The following PDZD2 variants were observed in gnomAD, a reference collection of about 807,000 sequenced individuals.
PDZD2 encodes the protein PDZ domain containing 2, also known as PDZ domain-containing protein 2.
PDZD2 carries 90 observed loss-of-function variants against 220.7 expected under a neutral mutation model. The observed-to-expected ratio is 0.41, with a 90% CI of 0.34 to 0.49. The LOEUF (loss-of-function observed/expected upper bound fraction) is 0.49, where lower values mean the gene tolerates loss of function less well. Ranked by LOEUF, PDZD2 falls within the 20% of genes least tolerant of loss-of-function variation. The pLI is 0.28. For synonymous variants in PDZD2, 1,375 were observed against 1,450.5 expected, an observed-to-expected ratio of 0.95 and a Z score of 1.18; for missense variants, 3,174 against 3,608.5, an observed-to-expected ratio of 0.88 and a Z score of 3.08.
At chr5:31,956,595 A>G (rs1232780817) in intron 2 of PDZD2, among the ~76,000 whole-genome samples, 1 of 148,360 alleles carries the variant, frequency 6.7e-6, no homozygotes, top group Non-Finnish European at 1.5e-5. Context: ...AATAAATAAA[A>G]TAAAAATACA....
At position 31,667,235 on chromosome 5, in the gene PDZD2, CAA is replaced by C. The variant is rs3031718; in HGVS notation, c.-361+27819_-361+27820del. ...TGAGTGACAGAGCAAGACTCCGTCT[CAA>C]AAAAAAAAAAAAAAAAAAAAGAGTA... On this transcript the variant is annotated intron_variant, in intron 1 of 24. Coordinates refer to ENST00000438447, the MANE Select transcript of PDZD2 (RefSeq NM_178140.4). 3.5e-3 allele frequency among the ~76,000 whole-genome samples: 187 copies of C among 52,832 alleles called. 2 individuals carry two copies. Among genetic ancestry groups the C allele is most frequent in the Middle Eastern group, 0.018 (1 of 56 alleles). The allele number at this position is 52,832 out of a possible 152,430, so 34.7% of individuals were successfully genotyped here.
intron 4 of PDZD2, among the ~76,000 whole-genome samples, chr5:31,996,613 C>T (rs557783699): frequency 6.6e-6 from 1 of 152,266 alleles, no homozygotes; most frequent in Non-Finnish European, 1.5e-5. Context: ...GAGGCTGAGG[C>T]ACGAGAATGG....
chr5:31,651,279 A>G (rs1232848570), intron 1 of PDZD2, among the ~76,000 whole-genome samples: 1 of 152,082 alleles, frequency 6.6e-6, no homozygotes. Context: ...TCTCCTGCAG[A>G]AAGGTAGAAC....
Position 32,090,767 on chromosome 5 carries a change from C to G in PDZD2, c.7319C>G (p.Ser2440Trp), listed in dbSNP as rs1743057028. The change falls in exon 20 of 25, where the codon TCG (serine) becomes TGG (tryptophan). Residue 2440 changes from serine to tryptophan, a missense_variant. Ser to Trp is a radical substitution (Grantham distance 177, BLOSUM62 -3). Transcript: ENST00000438447. This position sits in a 1 kb window ranked among gnomAD's most constrained non-coding sequence, Gnocchi z 4.3. Reference sequence around the variant, plus strand: ...GAGACCAGTAGCAAGGGCTCTGATTCGGAACTAAAGAAATCACTTGGTCCT... The same window carrying G: ...GAGACCAGTAGCAAGGGCTCTGATTGGGAACTAAAGAAATCACTTGGTCCT... ...PPETSSKGSD[S>W]ELKKSLGPLG... 6.2e-7 allele frequency: 1 copy of G among 1,614,162 alleles called. No homozygotes were observed. Among genetic ancestry groups the G allele is most frequent in the Non-Finnish European group, 8.5e-7 (1 of 1,180,028 alleles).
At chr5:31,972,962 A>G (rs756488261) in intron 2 of PDZD2, among the ~76,000 whole-genome samples, 1 of 152,250 alleles carries the variant, frequency 6.6e-6, no homozygotes, top group Non-Finnish European at 1.5e-5. Context: ...AAGAAATGCA[A>G]TCACTGGCAA....
intron 2 of PDZD2, chr5:31,822,747 T>G (rs967691725): frequency 4.2e-6 from 5 of 1,178,328 alleles, no homozygotes; most frequent in Non-Finnish European, 6.1e-6. Context: ...AAGGAACACC[T>G]GGCCTCATCC....
At chr5:31,936,280 GTCTGTC>G (rs1324607631) in intron 2 of PDZD2, 6 of 987,568 alleles carry the variant, frequency 6.1e-6, no homozygotes, top group Admixed American at 6.2e-5. Flanking sequence ...CAACTTTGGA[GTCTGTC>G]CCATTCCAGA....
At chr5:31,808,802 C>T (rs1426992261) in intron 2 of PDZD2, among the ~76,000 whole-genome samples, 2 of 151,920 alleles carry the variant, frequency 1.3e-5, no homozygotes, top group Non-Finnish European at 2.9e-5. Flanking sequence ...CATAGTGAAA[C>T]CCCATCTCTA....
intron 1 of PDZD2, among the ~76,000 whole-genome samples, chr5:31,649,500 T>TCC (rs1745262948): frequency 2.6e-5 from 4 of 151,954 alleles, no homozygotes; most frequent in African/African-American, 9.7e-5. Context: ...AAATAAAATA[T>TCC]TTGATTTATT....
intron 1 of PDZD2, among the ~76,000 whole-genome samples, chr5:31,660,709 T>G (rs1273628446): frequency 2.6e-5 from 4 of 152,164 alleles, no homozygotes; most frequent in African/African-American, 9.7e-5. Flanking sequence ...GGAACTACAA[T>G]TCAAGATGAG....
chr5:31,820,585 A>T (rs1162743019), intron 2 of PDZD2: 1 of 152,068 alleles, frequency 6.6e-6, no homozygotes, highest in Admixed American at 6.6e-5. Context: ...GGCAAGGGCC[A>T]TGCTAATCTT....
intron 15 of PDZD2, among the ~76,000 whole-genome samples, chr5:32,071,107 CTT>C (rs1740698794): frequency 6.6e-6 from 1 of 152,156 alleles, no homozygotes; most frequent in South Asian, 2.1e-4. Flanking sequence ...GGATAAAACA[CTT>C]TGGAAATTCA....
chr5:31,839,476 G>A (rs769341299), intron 2 of PDZD2, among the ~76,000 whole-genome samples: 18 of 152,180 alleles, frequency 1.2e-4, no homozygotes, highest in Non-Finnish European at 5.9e-5. Flanking sequence ...GCACATTTAA[G>A]GTTTAGAACT....
At chr5:32,047,198 G>A (rs1351304747) in intron 7 of PDZD2, among the ~76,000 whole-genome samples, 1 of 152,044 alleles carries the variant, frequency 6.6e-6, no homozygotes, top group African/African-American at 2.4e-5. Context: ...AAAGAATCTT[G>A]ATCTCGTTAG....
At chr5:31,767,674 G>A (rs1164500761) in intron 1 of PDZD2, among the ~76,000 whole-genome samples, 2 of 152,180 alleles carry the variant, frequency 1.3e-5, no homozygotes, top group Non-Finnish European at 2.9e-5. Context: ...ACTATGTAAA[G>A]TTTTCAGATG....
chr5:32,018,989 G>A (rs147265784), intron 6 of PDZD2, among the ~76,000 whole-genome samples: 159 of 152,286 alleles, frequency 1.0e-3, no homozygotes, highest in Admixed American at 1.6e-3. Flanking sequence ...TTACTTGGGC[G>A]AGATGAATTG....
chr5:31,854,440 C>G (rs1257605624), intron 2 of PDZD2, among the ~76,000 whole-genome samples: 2 of 152,294 alleles, frequency 1.3e-5, no homozygotes, highest in African/African-American at 2.4e-5. Flanking sequence ...TTACTCCAGC[C>G]GAAAGGCTCT....
chr5:32,010,542 G>T, intron 6 of PDZD2, 60 bp downstream of exon 6: 2 of 1,223,336 alleles, frequency 1.6e-6, no homozygotes, highest in Admixed American at 1.7e-5. Context: ...AGTCCTGGGC[G>T]CCAGGATTAG....
At chr5:31,740,558 A>AAAAAAAAAC (rs1475550222) in intron 1 of PDZD2, among the ~76,000 whole-genome samples, 2 of 141,516 alleles carry the variant, frequency 1.4e-5, no homozygotes, top group Non-Finnish European at 3.1e-5. Context: ...AAAAAAAAAA[A>AAAAAAAAAC]TCTGCTGTTG....
Sources: allele counts gnomAD v4.1 joint callset (sites outside exome capture counted in the v4.1 genomes callset), GRCh38; gene constraint gnomAD v4.1.1; non-coding constraint Gnocchi (gnomAD v3.1); transcripts MANE v1.5; gene names NCBI Gene and HGNC (gene_info 2026-07-23, HGNC 2026-07-21).